SPTLC3: variants seen among roughly 807,000 people sequenced by gnomAD.
SPTLC3 encodes serine palmitoyltransferase long chain base subunit 3, also known as serine palmitoyltransferase 3.
SPTLC3 carries 36 observed loss-of-function variants against 59.3 expected under a neutral mutation model. The ratio of observed to expected loss-of-function variants is 0.61; its 90% CI spans 0.47 to 0.80. The LOEUF is 0.80. SPTLC3 is among the 30% of genes least tolerant of loss of function. The pLI is 0.00. For missense variants in SPTLC3, 625 were observed against 685.1 expected (o/e 0.91, Z 0.98); for synonymous variants, 257 against 240.8 (o/e 1.07, Z -0.62).
intron 4 of SPTLC3, among the ~76,000 whole-genome samples, chr20:13,090,071 T>C (rs966727521): frequency 1.3e-5 from 2 of 152,194 alleles, no homozygotes; most frequent in Non-Finnish European, 2.9e-5. Context: ...GTGGCTACCA[T>C]ATAGGACTGT....
intron 1 of SPTLC3, among the ~76,000 whole-genome samples, chr20:13,042,621 A>T (rs180842974): frequency 1.8e-3 from 269 of 152,308 alleles, no homozygotes; most frequent in Non-Finnish European, 2.6e-3. Context: ...GTGATAAGAA[A>T]TGATGGTAGC....
intron 6 of SPTLC3, among the ~76,000 whole-genome samples, chr20:13,100,194 T>C (rs1240693860): frequency 1.3e-5 from 2 of 152,290 alleles, no homozygotes; most frequent in African/African-American, 2.4e-5. Context: ...ACCTAAGATA[T>C]ACTTAAACCT....
intron 6 of SPTLC3, among the ~76,000 whole-genome samples, chr20:13,096,939 C>T (rs571539055): frequency 3.9e-5 from 6 of 152,164 alleles, no homozygotes; most frequent in African/African-American, 1.4e-4. Context: ...CCTTCTGGAT[C>T]TCAATTTTTC....
At chr20:13,023,200 C>A (rs1985977710) in intron 1 of SPTLC3, among the ~76,000 whole-genome samples, 1 of 151,896 alleles carries the variant, frequency 6.6e-6, no homozygotes, top group Admixed American at 6.6e-5. Context: ...CAACCCACCC[C>A]CCAACTTCCT....
chr20:13,113,821 C>A (rs1318224933), intron 7 of SPTLC3, among the ~76,000 whole-genome samples: 1 of 152,202 alleles, frequency 6.6e-6, no homozygotes, highest in Non-Finnish European at 1.5e-5. Context: ...AACAATAAGT[C>A]ATCTATGTTG....
chr20:13,059,474 T>G (rs1400098426), intron 2 of SPTLC3, among the ~76,000 whole-genome samples: 1 of 152,206 alleles, frequency 6.6e-6, no homozygotes, highest in Non-Finnish European at 1.5e-5. Flanking sequence ...TGCATTCAGG[T>G]GCAGGCAGCG....
chr20:13,089,304 A>G, intron 4 of SPTLC3, among the ~76,000 whole-genome samples: 1 of 152,306 alleles, frequency 6.6e-6, no homozygotes, highest in Middle Eastern at 3.4e-3. Context: ...CCACTTGTAC[A>G]TTTATCTGTT....
chr20:13,115,363 T>A (rs1039271111), intron 7 of SPTLC3, among the ~76,000 whole-genome samples: 2 of 152,156 alleles, frequency 1.3e-5, no homozygotes, highest in African/African-American at 4.8e-5. Context: ...GTCATTAATC[T>A]TAGAGGAAGA....
intron 1 of SPTLC3, among the ~76,000 whole-genome samples, chr20:13,029,875 G>A (rs78728623): frequency 0.055 from 8,367 of 152,230 alleles, 268 homozygotes; most frequent in South Asian, 0.083. Context: ...GGGAACAGCT[G>A]CTGAATCCTT....
chr20:13,116,988 A>G (rs1390005820), intron 7 of SPTLC3, among the ~76,000 whole-genome samples: 1 of 152,238 alleles, frequency 6.6e-6, no homozygotes, highest in Non-Finnish European at 1.5e-5. Context: ...GAGGTCTCAA[A>G]GACTTCCTAT....
intron 1 of SPTLC3, among the ~76,000 whole-genome samples, chr20:13,011,591 C>T (rs138457448): frequency 1.3e-5 from 2 of 152,286 alleles, no homozygotes; most frequent in African/African-American, 4.8e-5. Context: ...TCCCCCTGGT[C>T]CAGCGTAGGC....
chr20:13,034,731 CTAAA>C (rs1349321067), intron 1 of SPTLC3, among the ~76,000 whole-genome samples: 3 of 151,846 alleles, frequency 2.0e-5, no homozygotes, highest in Non-Finnish European at 4.4e-5. Context: ...AAATCAAGAA[CTAAA>C]TAGTGTATCA....
chr20:13,107,707 T>G (rs1341760584), intron 6 of SPTLC3, among the ~76,000 whole-genome samples: 1 of 152,090 alleles, frequency 6.6e-6, no homozygotes, highest in Non-Finnish European at 1.5e-5. Context: ...TAATTCCACA[T>G]TTAAACTGAC....
chr20:13,103,587 T>C lies in SPTLC3; in HGVS notation c.827-6525T>C, dbSNP rs554131122. ...ACCAAAGGGTGTCTCTAAATGCAGA[T>C]GAAAGTAGTTTTTGTGGGGTCATGG... On this transcript the variant is annotated intron_variant, in intron 6 of 11. Transcript: ENST00000399002. Among the ~76,000 whole-genome samples, 23 of 152,302 alleles carry C rather than the reference T, an allele frequency of 1.5e-4. 1 individual carries two copies. The South Asian group carries it at 4.8e-3, about 32-fold the overall frequency.
intron 4 of SPTLC3, among the ~76,000 whole-genome samples, chr20:13,089,532 T>C (rs1468083208): frequency 6.6e-6 from 1 of 152,168 alleles, no homozygotes; most frequent in Non-Finnish European, 1.5e-5. Context: ...ACGCCTGTAA[T>C]CCCAGCACTT....
chr20:13,163,616 T>C (rs79738589), intron 11 of SPTLC3, among the ~76,000 whole-genome samples: 3,598 of 152,192 alleles, frequency 0.024, 68 homozygotes, highest in South Asian at 0.033. Context: ...GGAAGAACAT[T>C]TTAAATACTC....
intron 9 of SPTLC3, among the ~76,000 whole-genome samples, chr20:13,148,838 C>T (rs369741085): frequency 1.1e-4 from 16 of 152,326 alleles, no homozygotes; most frequent in African/African-American, 3.4e-4. Flanking sequence ...TGAGGTGGCA[C>T]TGAGGCTGCA....
Position 13,009,109 on chromosome 20 carries a change from A to T in SPTLC3, c.-159A>T. 1.5e-6 allele frequency: 1 copy of T among 648,810 alleles called. No homozygotes were observed. Among genetic ancestry groups the T allele is most frequent in the South Asian group, 1.9e-5 (1 of 53,124 alleles). The allele number at this position is 648,810 out of a possible 1,614,324, so 40.2% of individuals were successfully genotyped here. ...TTTTAGTTTCAACGATCTGACAAAA[A>T]GATAGGCTGTTGCTCTTCTTCTGGA... On this transcript the variant is annotated 5_prime_UTR_variant, in exon 1 of 12. The change creates a new upstream start codon in the 5' untranslated region. Coordinates refer to ENST00000399002, the MANE Select transcript of SPTLC3 (RefSeq NM_018327.4).
At chr20:13,061,231 C>A (rs749203027) in intron 2 of SPTLC3, among the ~76,000 whole-genome samples, 97 of 152,024 alleles carry the variant, frequency 6.4e-4, no homozygotes, top group Admixed American at 2.9e-3. Context: ...GTTTTGTCTT[C>A]GAAGCATCTT....
Sources: gnomAD v4.1 joint callset for allele counts (sites outside exome capture counted in the v4.1 genomes callset) on GRCh38, gnomAD v4.1.1 for gene constraint, MANE v1.5 for transcripts, NCBI Gene and HGNC (gene_info 2026-07-23, HGNC 2026-07-21) for gene names.